The following VAV3 variants were observed in gnomAD, a reference collection of about 807,000 sequenced individuals.
VAV3 encodes vav guanine nucleotide exchange factor 3.
VAV3 carries 94 observed loss-of-function variants against 131.2 expected under a neutral mutation model. That is an observed-to-expected ratio of 0.72 (90% CI 0.61 to 0.85). VAV3 has a LOEUF of 0.85. Ranked by LOEUF, VAV3 falls within the 40% of genes least tolerant of loss-of-function variation. The probability of loss-of-function intolerance (pLI) is 0.00; values close to 1 mark genes in which losing one functional copy is unlikely to be tolerated. For missense variants in VAV3, 939 were observed against 1,002.7 expected, an observed-to-expected ratio of 0.94 and a Z score of 0.86; for synonymous variants, 349 against 342.0, an observed-to-expected ratio of 1.02 and a Z score of -0.22.
intron 2 of VAV3, among the ~76,000 whole-genome samples, chr1:107,845,558 G>C (rs1157115515): frequency 6.7e-6 from 1 of 150,276 alleles, no homozygotes; most frequent in Non-Finnish European, 1.5e-5. Flanking sequence ...CTTTTAAAAA[G>C]TTAGAGGAAT....
intron 25 of VAV3, among the ~76,000 whole-genome samples, chr1:107,580,635 T>C (rs1649977355): frequency 6.6e-6 from 1 of 152,188 alleles, no homozygotes; most frequent in African/African-American, 2.4e-5. Context: ...CCACTCTTCC[T>C]ATATATCAAT....
intron 20 of VAV3, among the ~76,000 whole-genome samples, chr1:107,630,730 T>G (rs1654403221): frequency 6.6e-6 from 1 of 152,156 alleles, no homozygotes; most frequent in South Asian, 2.1e-4. Context: ...GTACATGTCT[T>G]CTTTGAGTAT....
intron 17 of VAV3, among the ~76,000 whole-genome samples, chr1:107,700,616 T>C (rs1660058062): frequency 6.6e-6 from 1 of 152,206 alleles, no homozygotes; most frequent in East Asian, 1.9e-4. Flanking sequence ...TCCATGTCCC[T>C]GTAAAGGACA....
rs546201973 is a variant in VAV3 at position 107,632,575 on chromosome 1, A to T, written c.1914+10044T>A. On this transcript the variant is annotated intron_variant, in intron 20 of 26. Transcript: ENST00000370056. Reference sequence around the variant, plus strand: ...TAGAAGTATCCATAACGCAATTCTGACCCAAGTTACATCTGTATGGGAAAC... The same window carrying T: ...TAGAAGTATCCATAACGCAATTCTGTCCCAAGTTACATCTGTATGGGAAAC... Among the ~76,000 whole-genome samples the T allele has an allele frequency of 8.5e-5, 13 of 152,326 alleles. No homozygotes were observed. The South Asian group carries it at 2.5e-3, about 29-fold the overall frequency.
chr1:107,651,417 T>G (rs72975640), intron 19 of VAV3, among the ~76,000 whole-genome samples: 2,997 of 152,216 alleles, frequency 0.02, 111 homozygotes, highest in African/African-American at 0.069. Context: ...ACCTTTTTTT[T>G]GTGTCTTCGT....
intron 9 of VAV3, among the ~76,000 whole-genome samples, chr1:107,763,440 T>C (rs1329777675): frequency 6.6e-6 from 1 of 152,252 alleles, no homozygotes; most frequent in African/African-American, 2.4e-5. Flanking sequence ...TGCTGACTAC[T>C]ATCTGGGAGC....
At chr1:107,621,648 T>A (rs1459308241) in intron 20 of VAV3, among the ~76,000 whole-genome samples, 1 of 152,146 alleles carries the variant, frequency 6.6e-6, no homozygotes, top group African/African-American at 2.4e-5. Context: ...CTTCTTTACA[T>A]TACTCTGTGG....
chr1:107,670,677 T>G (rs1657725464), intron 19 of VAV3, among the ~76,000 whole-genome samples: 1 of 152,176 alleles, frequency 6.6e-6, no homozygotes. Context: ...AAGGCAGCGA[T>G]TAATGAGATG....
chr1:107,764,290 C>T lies in VAV3; in HGVS notation c.921+786G>A, dbSNP rs72705655. Reference sequence around the variant, plus strand: ...CTCCATAGAATCTCATCTGTCAAAGCTCATCCCATTCTTTGGTGACCTAAC... The same window carrying T: ...CTCCATAGAATCTCATCTGTCAAAGTTCATCCCATTCTTTGGTGACCTAAC... On this transcript the variant is annotated intron_variant, in intron 9 of 26. Transcript: ENST00000370056. Among the ~76,000 whole-genome samples, 22 of 143,554 alleles carry T rather than the reference C, an allele frequency of 1.5e-4. 1 individual carries two copies. The highest frequency in any genetic ancestry group is 2.7e-4 in the Non-Finnish European group (18 of 65,516). The allele number at this position is 143,554 out of a possible 152,430, so 94.2% of individuals were successfully genotyped here. A position where few individuals can be genotyped will look rare whatever the true frequency, so the allele number is the denominator to read the frequency against.
chr1:107,681,079 A>G (rs1658571003), intron 19 of VAV3, among the ~76,000 whole-genome samples: 1 of 152,152 alleles, frequency 6.6e-6, no homozygotes, highest in Non-Finnish European at 1.5e-5. Flanking sequence ...TAGAGAATAT[A>G]TATAATATAC....
At chr1:107,716,758 G>C (rs569863144) in intron 15 of VAV3, among the ~76,000 whole-genome samples, 1 of 152,174 alleles carries the variant, frequency 6.6e-6, no homozygotes, top group Non-Finnish European at 1.5e-5. Flanking sequence ...CTCATAAAAT[G>C]AGTTAGGGAG....
At chr1:107,729,944 T>C (rs549332798) in intron 15 of VAV3, among the ~76,000 whole-genome samples, 67 of 152,318 alleles carry the variant, frequency 4.4e-4, no homozygotes, top group Middle Eastern at 3.4e-3. Flanking sequence ...CCAGCTGCTT[T>C]GTACAGATAG....
chr1:107,832,297 T>C (rs933869409), intron 2 of VAV3, among the ~76,000 whole-genome samples: 1 of 152,216 alleles, frequency 6.6e-6, no homozygotes, highest in Non-Finnish European at 1.5e-5. Context: ...CTAAATATAA[T>C]GCCGGAGGAA....
At chr1:107,815,674 A>G (rs1667532581) in intron 2 of VAV3, among the ~76,000 whole-genome samples, 1 of 152,200 alleles carries the variant, frequency 6.6e-6, no homozygotes, top group Admixed American at 6.5e-5. Flanking sequence ...AGAAGATAGG[A>G]TATTTGGAAT....
intron 21 of VAV3, 39 bp from the exon 22 acceptor site, chr1:107,610,004 A>G: frequency 6.3e-7 from 1 of 1,596,670 alleles, no homozygotes; most frequent in South Asian, 1.1e-5. Context: ...AAGTTTACAT[A>G]AGGGAAGCTT....
At chr1:107,750,565 G>C (rs1663651795) in intron 13 of VAV3, among the ~76,000 whole-genome samples, 1 of 152,174 alleles carries the variant, frequency 6.6e-6, no homozygotes, top group Non-Finnish European at 1.5e-5. Context: ...AAGAGCTGAT[G>C]CTGCCCCCTA....
chr1:107,694,494 T>C (rs1659628928), intron 17 of VAV3, among the ~76,000 whole-genome samples: 1 of 152,180 alleles, frequency 6.6e-6, no homozygotes. Flanking sequence ...AATCGATGCT[T>C]AGGCCATGAG....
intron 1 of VAV3, among the ~76,000 whole-genome samples, chr1:107,889,565 C>CTA (rs1055248569): frequency 3.3e-5 from 5 of 151,970 alleles, no homozygotes; most frequent in African/African-American, 1.2e-4. Flanking sequence ...GCAGAAAGAG[C>CTA]TATATATACT....
chr1:107,710,490 C>G (rs917529913), intron 15 of VAV3, among the ~76,000 whole-genome samples: 1 of 152,096 alleles, frequency 6.6e-6, no homozygotes, highest in African/African-American at 2.4e-5. Flanking sequence ...TTTTGGCCAA[C>G]AGATACCAAA....
Sources: gnomAD v4.1 joint callset for allele counts (sites outside exome capture counted in the v4.1 genomes callset) on GRCh38, gnomAD v4.1.1 for gene constraint, MANE v1.5 for transcripts, NCBI Gene and HGNC (gene_info 2026-07-23, HGNC 2026-07-21) for gene names.